Variants in KREMEN1 observed in about 807,000 individuals in gnomAD.
KREMEN1 encodes kremen protein 1.
In KREMEN1, 30 loss-of-function variants were observed where a neutral mutation model predicts 46.5. That is an observed-to-expected ratio of 0.65 (90% CI 0.48 to 0.88). KREMEN1 has a LOEUF of 0.88. Among genes scored for constraint, KREMEN1 ranks in the 40% least tolerant of loss-of-function variants. KREMEN1 has a pLI of 0.00. For missense variants in KREMEN1, 533 were observed against 596.9 expected, an observed-to-expected ratio of 0.89 and a Z score of 1.11; for synonymous variants, 214 against 230.6, an observed-to-expected ratio of 0.93 and a Z score of 0.65.
At chr22:29,107,131 T>C (rs1197486987) in intron 3 of KREMEN1, among the ~76,000 whole-genome samples, 1 of 152,152 alleles carries the variant, frequency 6.6e-6, no homozygotes, top group Middle Eastern at 3.2e-3. Flanking sequence ...TGTCTGGGCC[T>C]TAGGTTCTCC....
intron 5 of KREMEN1, among the ~76,000 whole-genome samples, chr22:29,136,280 A>T (rs2038655124): frequency 6.6e-6 from 1 of 151,042 alleles, no homozygotes; most frequent in African/African-American, 2.4e-5. Context: ...CTGCTTTTTA[A>T]ATCCTAGCCC....
intron 9 of KREMEN1, among the ~76,000 whole-genome samples, chr22:29,153,605 C>T (rs1327611535): frequency 6.6e-6 from 1 of 152,118 alleles, no homozygotes; most frequent in Non-Finnish European, 1.5e-5. Context: ...GTGATCCTCT[C>T]GTCTTGGCCT....
intron 9 of KREMEN1, among the ~76,000 whole-genome samples, chr22:29,159,898 T>G (rs1024941724): frequency 6.6e-6 from 1 of 151,970 alleles, no homozygotes; most frequent in Non-Finnish European, 1.5e-5. Context: ...GTAGAAACAC[T>G]TAAGGAGACC....
intron 1 of KREMEN1, among the ~76,000 whole-genome samples, chr22:29,088,893 C>G (rs1319124152): frequency 6.6e-6 from 1 of 152,112 alleles, no homozygotes; most frequent in Non-Finnish European, 1.5e-5. Flanking sequence ...AGGTCTGGCT[C>G]TAGAGCCCCT....
At chr22:29,082,038 T>G (rs2037662976) in intron 1 of KREMEN1, among the ~76,000 whole-genome samples, 1 of 151,682 alleles carries the variant, frequency 6.6e-6, no homozygotes, top group African/African-American at 2.4e-5. Flanking sequence ...CATCTGACAT[T>G]AAAAATAGGT....
chr22:29,100,219 G>A (rs2037954909), intron 3 of KREMEN1, among the ~76,000 whole-genome samples: 1 of 151,674 alleles, frequency 6.6e-6, no homozygotes, highest in Non-Finnish European at 1.5e-5. Flanking sequence ...GGATTCAAGT[G>A]ATTCTCCTGC....
chr22:29,132,130 C>T (rs1055400287), intron 5 of KREMEN1, among the ~76,000 whole-genome samples: 1 of 151,980 alleles, frequency 6.6e-6, no homozygotes, highest in African/African-American at 2.4e-5. Flanking sequence ...CCTTTTCCTC[C>T]CAAAGTGCTG....
intron 5 of KREMEN1, among the ~76,000 whole-genome samples, chr22:29,135,522 C>T (rs1021289471): frequency 4.6e-5 from 7 of 152,148 alleles, no homozygotes; most frequent in Non-Finnish European, 8.8e-5. Context: ...CATTCCTGTC[C>T]GCCAGTGGCA....
intron 3 of KREMEN1, among the ~76,000 whole-genome samples, chr22:29,113,387 T>G (rs1385564437): frequency 6.6e-6 from 1 of 152,230 alleles, no homozygotes; most frequent in African/African-American, 2.4e-5. Context: ...TTTTCTGAGG[T>G]GGCTGCCTTT....
At position 29,121,563 on chromosome 22, in the gene KREMEN1, T is replaced by G. The variant is rs185480088; in HGVS notation, c.477+82T>G. The G allele has an allele frequency of 4.8e-6, 7 of 1,458,434 alleles. No individual in the cohort carries two copies. In the East Asian group the frequency reaches 1.6e-4, roughly 34 times the overall value. The allele number at this position is 1,458,434 out of a possible 1,614,324, so 90.3% of individuals were successfully genotyped here. A position where few individuals can be genotyped will look rare whatever the true frequency, so the allele number is the denominator to read the frequency against. On this transcript the variant is annotated intron_variant, in intron 4 of 8. Coordinates refer to ENST00000400335, the MANE Select transcript of KREMEN1 (RefSeq NM_001039570.3). ...GCTGAGATAACTTAAAAATAAGTGC[T>G]AAGTAAAATAAGCCAGACACAAAAG...
intron 3 of KREMEN1, among the ~76,000 whole-genome samples, chr22:29,112,213 T>G (rs2038163758): frequency 6.6e-6 from 1 of 152,094 alleles, no homozygotes; most frequent in Admixed American, 6.6e-5. Context: ...CCCTACAATT[T>G]CAGTGCTTGC....
chr22:29,078,669 A>G (rs2037610014), intron 1 of KREMEN1, among the ~76,000 whole-genome samples: 1 of 152,252 alleles, frequency 6.6e-6, no homozygotes, highest in Non-Finnish European at 1.5e-5. Flanking sequence ...ACATTCAAAC[A>G]TACCAAGTTG....
chr22:29,146,909 C>A, downstream of KREMEN1: 1 of 495,824 alleles, frequency 2.0e-6, no homozygotes, highest in Non-Finnish European at 2.6e-6. Flanking sequence ...TCCTGCCTCC[C>A]CTTGGGTGCC....
chr22:29,151,357 T>TACAACA (rs1410822071), downstream of KREMEN1, among the ~76,000 whole-genome samples: 1 of 152,230 alleles, frequency 6.6e-6, no homozygotes, highest in African/African-American at 2.4e-5. Context: ...GATCACCTGT[T>TACAACA]GTCAGGCATT....
At chr22:29,089,748 C>T (rs112566242) in intron 1 of KREMEN1, among the ~76,000 whole-genome samples, 1 of 152,320 alleles carries the variant, frequency 6.6e-6, no homozygotes, top group African/African-American at 2.4e-5. Context: ...CTTCCCTGCT[C>T]ATTCTCCTGC....
rs2038800378 is a variant in KREMEN1 at position 29,143,362 on chromosome 22, A to G, written c.*1250A>G. 1.1e-5 allele frequency: 11 copies of G among 985,274 alleles called. No homozygotes were observed. The highest frequency in any genetic ancestry group is 5.2e-5 in the African/African-American group (3 of 57,218). The allele number at this position is 985,274 out of a possible 1,614,324, so 61.0% of individuals were successfully genotyped here. On this transcript the variant is annotated 3_prime_UTR_variant, in exon 9 of 9. Transcript: ENST00000400335. ...TCTCAGTTCAGAGTGGAGAGTATCA[A>G]TCTTGTGTTTTTGCCCTTAGGCAGC...
In KREMEN1 at chr22:29,076,639, T is replaced by C. The variant is rs2037576414; in HGVS notation, c.97+3412T>C. 2.6e-5 allele frequency among the ~76,000 whole-genome samples: 4 copies of C among 152,158 alleles called. 1 individual carries two copies. In the South Asian group the frequency reaches 8.3e-4, roughly 32 times the overall value. On this transcript the variant is annotated intron_variant, in intron 1 of 8. Transcript: ENST00000400335. ...GTCAAGGCAGACGGATCACCTGAGG[T>C]CAGGAGTTCAAGGCCAGCCTGGCCA...
chr22:29,094,611 AC>A (rs1569316113), intron 2 of KREMEN1, among the ~76,000 whole-genome samples, 191 bp downstream of exon 2: 21 of 99,726 alleles, frequency 2.1e-4, no homozygotes, highest in African/African-American at 7.9e-4. Context: ...ACACACACAC[AC>A]ACAATTTACC....
rs1173158945 is a variant in KREMEN1 at position 29,144,855 on chromosome 22, C to G, written c.*2743C>G. 4 of 985,426 alleles carry G rather than the reference C, an allele frequency of 4.1e-6. No individual in the cohort carries two copies. Among genetic ancestry groups the G allele is most frequent in the Non-Finnish European group, 4.8e-6 (4 of 830,018 alleles). 61.0% of individuals were successfully genotyped at this position (985,426 alleles called of 1,614,324 possible). A position where few individuals can be genotyped will look rare whatever the true frequency, so the allele number is the denominator to read the frequency against. On this transcript the variant is annotated 3_prime_UTR_variant, in exon 9 of 9. Transcript: ENST00000400335. ...TGCCCAAGCCAATGTGCTGTCACAGCCTGCAGCGGGGGCAGCACTTCCTCG... is the reference window on the plus strand; with the variant it reads ...TGCCCAAGCCAATGTGCTGTCACAGGCTGCAGCGGGGGCAGCACTTCCTCG...
Sources: allele counts gnomAD v4.1 joint callset (sites outside exome capture counted in the v4.1 genomes callset), GRCh38; gene constraint gnomAD v4.1.1; transcripts MANE v1.5; gene names NCBI Gene and HGNC (gene_info 2026-07-23, HGNC 2026-07-21).